Variants in DPP6 observed in about 807,000 individuals in gnomAD.
DPP6 encodes the protein dipeptidyl peptidase like 6.
Under a neutral mutation model 122.6 loss-of-function variants are expected in DPP6, and 69 were observed. That is an observed-to-expected ratio of 0.56 (90% CI 0.46 to 0.69). DPP6 has a LOEUF of 0.69. DPP6 is among the 30% of genes least tolerant of loss of function. The pLI is 0.00. For missense variants in DPP6, 928 were observed against 1,116.9 expected (o/e 0.83, Z 2.41); for synonymous variants, 418 against 433.1 (o/e 0.97, Z 0.43).
intron 1 of DPP6, among the ~76,000 whole-genome samples, chr7:153,922,279 T>TTATC (rs1455854228): frequency 2.0e-5 from 3 of 152,202 alleles, no homozygotes; most frequent in Non-Finnish European, 4.4e-5. Flanking sequence ...GGCAGGCAGA[T>TTATC]TGCTTGAGTC....
chr7:154,312,115 G>T (rs1806949656), intron 1 of DPP6, among the ~76,000 whole-genome samples: 1 of 152,240 alleles, frequency 6.6e-6, no homozygotes, highest in Admixed American at 6.5e-5. Flanking sequence ...ATCATCGACA[G>T]GCTGTGCACA....
intron 18 of DPP6, 86 bp downstream of exon 18, chr7:154,868,179 C>A (rs60134921): frequency 6.7e-7 from 1 of 1,503,110 alleles, no homozygotes; most frequent in South Asian, 1.3e-5. Context: ...AGCAGGTGCC[C>A]TGCAAGGAAG....
intron 5 of DPP6, among the ~76,000 whole-genome samples, chr7:154,578,245 C>T (rs1237201186): frequency 3.3e-5 from 5 of 152,044 alleles, no homozygotes; most frequent in South Asian, 2.1e-4. Context: ...ATGGTGTTCC[C>T]GCTTCTCTCT....
intron 1 of DPP6, among the ~76,000 whole-genome samples, chr7:154,121,588 T>C (rs1403115761): frequency 6.6e-6 from 1 of 152,230 alleles, no homozygotes; most frequent in Non-Finnish European, 1.5e-5. Flanking sequence ...TTTCCAGTTT[T>C]CCATCTGTTA....
At chr7:153,891,614 A>C (rs902853826) in intron 1 of DPP6, among the ~76,000 whole-genome samples, 25 of 152,210 alleles carry the variant, frequency 1.6e-4, no homozygotes, top group Admixed American at 8.5e-4. Context: ...ATACTCTTGC[A>C]ATAGGTTCTG....
the DPP6 span, among the ~76,000 whole-genome samples, chr7:153,825,804 G>T: frequency 6.6e-6 from 1 of 152,044 alleles, no homozygotes; most frequent in African/African-American, 2.4e-5. Flanking sequence ...CAGGCAGTCT[G>T]CCCGCCTCAA....
chr7:154,313,096 ATATTTTTAATTT>A, intron 1 of DPP6, among the ~76,000 whole-genome samples: 1 of 152,348 alleles, frequency 6.6e-6, no homozygotes, highest in Non-Finnish European at 1.5e-5. Context: ...GGAAGGAAAC[ATATTTTTAATTT>A]TAATAGTCTG....
At chr7:154,588,482 G>A (rs539881645) in intron 5 of DPP6, 31 of 169,524 alleles carry the variant, frequency 1.8e-4, no homozygotes, top group Admixed American at 8.8e-4. Context: ...TGGATTCCTC[G>A]TTACTGAGAC....
chr7:154,712,836 C>G (rs1018131499), intron 7 of DPP6, among the ~76,000 whole-genome samples: 6 of 152,258 alleles, frequency 3.9e-5, no homozygotes, highest in Middle Eastern at 3.4e-3. Flanking sequence ...GCCTCTGGCC[C>G]CTCCCAAATC....
chr7:154,801,603 A>C lies in DPP6; in HGVS notation c.1407+141A>C. 3.2e-6 allele frequency: 4 copies of C among 1,246,706 alleles called. No homozygotes were observed. The South Asian group carries it at 4.8e-5, about 15-fold the overall frequency. The allele number at this position is 1,246,706 out of a possible 1,614,324, so 77.2% of individuals were successfully genotyped here. On this transcript the variant is annotated intron_variant, in intron 13 of 25. Coordinates refer to ENST00000377770, the MANE Select transcript of DPP6 (RefSeq NM_130797.4). The stretch of plus-strand genomic sequence containing the variant: ...GTGGTTCCCGAAGGCAGGGCAGGGC[A>C]TGGCGCTGGTGAGTGCAGAGGTTCC...
At chr7:154,756,577 G>A (rs563973372) in intron 8 of DPP6, among the ~76,000 whole-genome samples, 84 of 152,192 alleles carry the variant, frequency 5.5e-4, no homozygotes, top group African/African-American at 1.5e-3. Context: ...GGGCAGGGCC[G>A]GATTTCAGCC....
At chr7:153,930,832 A>G (rs773368480) in intron 1 of DPP6, among the ~76,000 whole-genome samples, 6 of 152,166 alleles carry the variant, frequency 3.9e-5, no homozygotes, top group African/African-American at 1.4e-4. Context: ...TGGAATCTGC[A>G]AAAAATGAGT....
rs1007353045 is a variant in DPP6 at position 154,605,147 on chromosome 7, G to A, written c.628-32674G>A. On this transcript the variant is annotated intron_variant, in intron 5 of 25. Transcript: ENST00000377770. ...TTTTTCTTTGCATATAGAGGTGATC[G>A]TATTGTTCCTTTTTGTTTAATCTAC... Among the ~76,000 whole-genome samples, 7 of 118,878 alleles carry A rather than the reference G, an allele frequency of 5.9e-5. 1 individual carries two copies. The highest frequency in any genetic ancestry group is 1.9e-4 in the Admixed American group (2 of 10,464). The allele number at this position is 118,878 out of a possible 152,430, so 78.0% of individuals were successfully genotyped here. A position where few individuals can be genotyped will look rare whatever the true frequency, so the allele number is the denominator to read the frequency against.
chr7:153,806,333 C>T, the DPP6 span, among the ~76,000 whole-genome samples: 1 of 151,986 alleles, frequency 6.6e-6, no homozygotes, highest in African/African-American at 2.4e-5. Flanking sequence ...TCTGCCTTCT[C>T]TGAATTCTAA....
At chr7:154,352,333 G>A (rs2151082074) in intron 1 of DPP6, among the ~76,000 whole-genome samples, 1 of 152,012 alleles carries the variant, frequency 6.6e-6, no homozygotes, top group South Asian at 2.1e-4. Context: ...AGTGGTGGTG[G>A]GCGCCTGTGG....
Position 154,099,369 on chromosome 7 carries a change from A to G in DPP6, c.243+46306A>G, listed in dbSNP as rs576199521. ...AAAAACCTTGCCTTCCTTGGCTTTGAATTCCAATGCATAGGGAACAAAAGC... is the reference window on the plus strand; with the variant it reads ...AAAAACCTTGCCTTCCTTGGCTTTGGATTCCAATGCATAGGGAACAAAAGC... On this transcript the variant is annotated intron_variant, in intron 1 of 25. Transcript: ENST00000377770. Among the ~76,000 whole-genome samples, 45 of 152,146 alleles carry G rather than the reference A, an allele frequency of 3.0e-4. No individual in the cohort carries two copies. In the South Asian group the frequency reaches 8.9e-3, roughly 30 times the overall value.
At chr7:154,569,891 T>A (rs1831004942) in intron 5 of DPP6, among the ~76,000 whole-genome samples, 1 of 151,860 alleles carries the variant, frequency 6.6e-6, no homozygotes, top group African/African-American at 2.4e-5. Flanking sequence ...TATGTTTGCT[T>A]GAGTAACCCA....
At chr7:154,023,805 A>G (rs3852281) in intron 1 of DPP6, among the ~76,000 whole-genome samples, 22,649 of 151,838 alleles carry the variant, frequency 0.15, 1,882 homozygotes, top group African/African-American at 0.22. Context: ...TTTACATAAC[A>G]GATTGTATTA....
intron 1 of DPP6, among the ~76,000 whole-genome samples, chr7:154,066,209 A>T (rs1034251006): frequency 1.3e-5 from 2 of 151,750 alleles, no homozygotes; most frequent in African/African-American, 2.4e-5. Context: ...ACAGGCACAC[A>T]CCAGCATGCC....
Sources: allele counts gnomAD v4.1 joint callset (sites outside exome capture counted in the v4.1 genomes callset), GRCh38; gene constraint gnomAD v4.1.1; transcripts MANE v1.5; gene names NCBI Gene and HGNC (gene_info 2026-07-23, HGNC 2026-07-21).